The following GALNT18 variants were observed in gnomAD, a reference collection of about 807,000 sequenced individuals.
The protein encoded by GALNT18 is GalNAc-transferase 18.
A neutral mutation model predicts 69.5 loss-of-function variants in GALNT18; 44 were observed. That is an observed-to-expected ratio of 0.63 (90% CI 0.50 to 0.81). The LOEUF (loss-of-function observed/expected upper bound fraction) is 0.81, where lower values mean the gene tolerates loss of function less well. Ranked by LOEUF, GALNT18 falls within the 40% of genes least tolerant of loss-of-function variation. The pLI is 0.00. For synonymous variants in GALNT18, 364 were observed against 318.2 expected, an observed-to-expected ratio of 1.14 and a Z score of -1.53; for missense variants, 715 against 810.0, an observed-to-expected ratio of 0.88 and a Z score of 1.42.
chr11:11,341,971 T>A lies in GALNT18; in HGVS notation c.1093-967A>T, dbSNP rs868270120. Among the ~76,000 whole-genome samples, 593 of 91,176 alleles carry A rather than the reference T, an allele frequency of 6.5e-3. 2 individuals carry two copies. Among genetic ancestry groups the A allele is most frequent in the Middle Eastern group, 0.02 (3 of 152 alleles). The allele number at this position is 91,176 out of a possible 152,430, so 59.8% of individuals were successfully genotyped here. ...ATCCTGTCTCTAAAACATTAAAATT[T>A]TTTTTTTTTTAAAAAGACCTTGACT... On this transcript the variant is annotated intron_variant, in intron 6 of 10. Transcript: ENST00000227756. The surrounding 1 kb of genome is among the most constrained non-coding windows in gnomAD (Gnocchi z 6.3).
chr11:11,409,608 A>G (rs1418283333), intron 3 of GALNT18, among the ~76,000 whole-genome samples: 1 of 46,550 alleles, frequency 2.1e-5, no homozygotes, highest in Non-Finnish European at 4.3e-5. Flanking sequence ...CCCCCACCCC[A>G]GCTCCATGCT....
chr11:11,442,496 C>T (rs1449376405), intron 2 of GALNT18, among the ~76,000 whole-genome samples: 2 of 152,190 alleles, frequency 1.3e-5, no homozygotes, highest in South Asian at 2.1e-4. Context: ...TGCCAGATGT[C>T]TCTCTAGAGT....
intron 5 of GALNT18, among the ~76,000 whole-genome samples, chr11:11,376,785 G>A (rs76145443): frequency 0.04 from 6,023 of 152,204 alleles, 380 homozygotes; most frequent in African/African-American, 0.14. Flanking sequence ...GCTGCCCTCT[G>A]AAAAGCATTT....
chr11:11,387,707 T>G lies in GALNT18; in HGVS notation c.596-8443A>C, dbSNP rs573317632. 1.3e-5 allele frequency among the ~76,000 whole-genome samples: 2 copies of G among 152,158 alleles called. No individual in the cohort carries two copies. Among genetic ancestry groups the G allele is most frequent in the Non-Finnish European group, 2.9e-5 (2 of 68,028 alleles). On this transcript the variant is annotated intron_variant, in intron 3 of 10. Coordinates refer to ENST00000227756, the MANE Select transcript of GALNT18 (RefSeq NM_198516.3). The surrounding 1 kb of genome is among the most constrained non-coding windows in gnomAD (Gnocchi z 4.6). ...AACCTAGCTGATCATCCACATCACA[T>G]CACATGGGAAGCTAAAAATTAAATA...
At chr11:11,522,959 A>G (rs1166998000) in intron 1 of GALNT18, among the ~76,000 whole-genome samples, 1 of 152,226 alleles carries the variant, frequency 6.6e-6, no homozygotes, top group Non-Finnish European at 1.5e-5. Context: ...CCCTGTCCTC[A>G]GATTAGGCAG....
Position 11,538,917 on chromosome 11 carries a change from AG to A in GALNT18, c.235+82441del. Among the ~76,000 whole-genome samples, 1 of 152,218 alleles carries A rather than the reference AG, an allele frequency of 6.6e-6. No individual in the cohort carries two copies. The highest frequency in any genetic ancestry group is 1.9e-4 in the East Asian group (1 of 5,140). ...CCAGTAAAAGATGCTTTGTCAACAG[AG>A]GTGCCCCCCAGATCCCTGGGTGCCG... On this transcript the variant is annotated intron_variant, in intron 1 of 10. Transcript: ENST00000227756. This position sits in a 1 kb window ranked among gnomAD's most constrained non-coding sequence, Gnocchi z 5.2.
chr11:11,394,787 C>T (rs193153339), intron 3 of GALNT18, among the ~76,000 whole-genome samples: 1 of 152,308 alleles, frequency 6.6e-6, no homozygotes, highest in Admixed American at 6.5e-5. Flanking sequence ...GTCCTCTGCC[C>T]TGATTCTTGA....
At chr11:11,515,490 A>G (rs1857254637) in intron 1 of GALNT18, among the ~76,000 whole-genome samples, 1 of 152,206 alleles carries the variant, frequency 6.6e-6, no homozygotes, top group South Asian at 2.1e-4. Flanking sequence ...GTCAGCCTCA[A>G]TGAGCAAAAC....
chr11:11,394,009 C>T (rs55988740), intron 3 of GALNT18, among the ~76,000 whole-genome samples: 13,190 of 148,548 alleles, frequency 0.089, 798 homozygotes, highest in Admixed American at 0.16. Context: ...GCGGTGGAGA[C>T]GGGGAGTAAG....
At chr11:11,492,203 A>T (rs1856784779) in intron 1 of GALNT18, among the ~76,000 whole-genome samples, 1 of 152,184 alleles carries the variant, frequency 6.6e-6, no homozygotes, top group South Asian at 2.1e-4. Context: ...ATTTCATCCA[A>T]CAGTTACTCG....
chr11:11,282,074 G>C (rs1849088395), intron 10 of GALNT18, among the ~76,000 whole-genome samples: 2 of 151,912 alleles, frequency 1.3e-5, no homozygotes, highest in African/African-American at 4.9e-5. Context: ...AAAGGTTAAA[G>C]TTTAAAACTT....
rs1182598122 is a variant in GALNT18, at chr11:11,621,228, C to T, written c.235+131G>A. 3 of 707,718 alleles carry T rather than the reference C, an allele frequency of 4.2e-6. No homozygotes were observed. Among genetic ancestry groups the T allele is most frequent in the Non-Finnish European group, 7.2e-6 (3 of 418,470 alleles). The allele number at this position is 707,718 out of a possible 1,614,324, so 43.8% of individuals were successfully genotyped here. On this transcript the variant is annotated intron_variant, in intron 1 of 10. Transcript: ENST00000227756. This position sits in a 1 kb window ranked among gnomAD's most constrained non-coding sequence, Gnocchi z 9.3. Reference sequence around the variant, plus strand: ...GGCAGGAGCTCACACGCAGGCCCCACGACTACCACGCATCTGCGGCCCCAG... The same window carrying T: ...GGCAGGAGCTCACACGCAGGCCCCATGACTACCACGCATCTGCGGCCCCAG...
intron 9 of GALNT18, among the ~76,000 whole-genome samples, chr11:11,299,970 G>A (rs1849465836): frequency 6.6e-6 from 1 of 152,166 alleles, no homozygotes; most frequent in African/African-American, 2.4e-5. Context: ...CAGAAATTCT[G>A]GAGCCCTCAC....
chr11:11,452,688 C>T (rs1370535429), intron 1 of GALNT18, among the ~76,000 whole-genome samples: 2 of 152,204 alleles, frequency 1.3e-5, no homozygotes, highest in African/African-American at 4.8e-5. Context: ...AAAGAGGCCT[C>T]AGAGAAGTGT....
At chr11:11,316,051 G>A (rs1318181427) in intron 9 of GALNT18, among the ~76,000 whole-genome samples, 1 of 152,130 alleles carries the variant, frequency 6.6e-6, no homozygotes, top group Non-Finnish European at 1.5e-5. Context: ...AACCCTAACT[G>A]GATTAGTCCC....
intron 1 of GALNT18, among the ~76,000 whole-genome samples, chr11:11,493,267 C>CAA (rs142149447): frequency 1.4e-5 from 1 of 71,354 alleles, no homozygotes; most frequent in African/African-American, 5.3e-5. Context: ...TCCTTCATCT[C>CAA]AAAAAAAAAA....
intron 3 of GALNT18, 130 bp from the exon 4 acceptor site, chr11:11,379,394 T>C: frequency 1.2e-6 from 1 of 805,962 alleles, no homozygotes; most frequent in East Asian, 2.6e-5. Context: ...CCCTGGGTCT[T>C]CTTCAGTGGT....
At chr11:11,400,841 T>C (rs1854445564) in intron 3 of GALNT18, among the ~76,000 whole-genome samples, 1 of 151,922 alleles carries the variant, frequency 6.6e-6, no homozygotes, top group African/African-American at 2.4e-5. Context: ...CTAGCTCTTG[T>C]TCCATTTGCT....
intron 10 of GALNT18, among the ~76,000 whole-genome samples, chr11:11,291,059 G>C (rs952866905): frequency 6.6e-6 from 1 of 152,172 alleles, no homozygotes; most frequent in African/African-American, 2.4e-5. Context: ...GCCTCCCTCT[G>C]CCTCTCAACT....
Sources: gnomAD v4.1 joint callset for allele counts (sites outside exome capture counted in the v4.1 genomes callset) on GRCh38, gnomAD v4.1.1 for gene constraint, Gnocchi (gnomAD v3.1) non-coding constraint, MANE v1.5 for transcripts, NCBI Gene and HGNC (gene_info 2026-07-23, HGNC 2026-07-21) for gene names.